BBS2: variants seen among roughly 807,000 people sequenced by gnomAD.
The protein encoded by BBS2 is BBSome complex member BBS2.
A neutral mutation model predicts 83.0 loss-of-function variants in BBS2; 62 were observed. That is an observed-to-expected ratio of 0.75 (90% confidence interval 0.61 to 0.92). BBS2 has a LOEUF of 0.92. BBS2 is among the 40% of genes least tolerant of loss of function. The probability of loss-of-function intolerance (pLI) is 0.00; values close to 1 mark genes in which losing one functional copy is unlikely to be tolerated. For synonymous variants in BBS2, 303 were observed against 326.1 expected (o/e 0.93, Z 0.76); for missense variants, 784 against 901.0 (o/e 0.87, Z 1.66).
intron 1 of BBS2, chr16:56,519,364 T>A: frequency 6.1e-6 from 1 of 165,126 alleles, no homozygotes; most frequent in South Asian, 1.5e-4. Flanking sequence ...GAAGAAGCAG[T>A]GTTAGAGAGT....
At chr16:56,481,876 C>T (rs771489425), downstream of BBS2, among the ~76,000 whole-genome samples, 4 of 152,188 alleles carry the variant, frequency 2.6e-5, no homozygotes, top group Non-Finnish European at 5.9e-5. Context: ...TTGTTTCCAA[C>T]ACCTCCTTCA....
Position 56,485,552 on chromosome 16 carries a change from T to C in BBS2, c.2059+38A>G, listed in dbSNP as rs201212471. The C allele has an allele frequency of 5.4e-4, 878 of 1,612,188 alleles. 7 individuals are homozygous for C. In the African/African-American group the frequency reaches 0.01, roughly 19 times the overall value. ...TCTTCAATGAGTTCCACCAAAAACA[T>C]TACAGATCAAAGTGCAGTGTTATGA... is the stretch of plus-strand genomic sequence containing the variant. On this transcript the variant is annotated intron_variant, in intron 16 of 16. Coordinates refer to ENST00000245157, the MANE Select transcript of BBS2 (RefSeq NM_031885.5).
At chr16:56,488,107 T>C (rs1448370719) in intron 15 of BBS2, among the ~76,000 whole-genome samples, 1 of 152,030 alleles carries the variant, frequency 6.6e-6, no homozygotes, top group Admixed American at 6.5e-5. Context: ...TCACCATGAG[T>C]GGGGAAAAAA....
chr16:56,499,582 CT>C, intron 12 of BBS2, 195 bp downstream of exon 12: 1 of 617,590 alleles, frequency 1.6e-6, no homozygotes, highest in Non-Finnish European at 2.8e-6. Context: ...TGCTCAGATG[CT>C]TTTTCAAAGT....
intron 16 of BBS2, 144 bp from the exon 17 acceptor site, chr16:56,485,011 T>A (rs1439146756): frequency 7.1e-6 from 5 of 703,964 alleles, no homozygotes; most frequent in Non-Finnish European, 1.2e-5. Context: ...CTAAAAAAAA[T>A]AACTTGGTGA....
intron 17 of BBS2, among the ~76,000 whole-genome samples, chr16:56,472,659 T>C (rs1393142130): frequency 1.3e-5 from 2 of 152,124 alleles, no homozygotes; most frequent in African/African-American, 4.8e-5. Flanking sequence ...AAAATAATAA[T>C]CTACAAGTGG....
chr16:56,516,330 T>A (rs1430862853), intron 1 of BBS2, among the ~76,000 whole-genome samples: 1 of 152,200 alleles, frequency 6.6e-6, no homozygotes, highest in African/African-American at 2.4e-5. Context: ...CCCCTAAGCA[T>A]TACCATGAGA....
chr16:56,496,936 T>G (rs1220878724), intron 15 of BBS2, 31 bp downstream of exon 15: 1 of 1,485,678 alleles, frequency 6.7e-7, no homozygotes, highest in East Asian at 2.3e-5. Context: ...TTTTTAACCC[T>G]GCACCTGTAC....
At chr16:56,470,727 C>T (rs766962558) in intron 17 of BBS2, 1 of 1,613,764 alleles carries the variant, frequency 6.2e-7, no homozygotes, top group African/African-American at 1.3e-5. Flanking sequence ...TGGCCATCAG[C>T]AACAACAGCC....
rs1964531402 is a variant in BBS2 at position 56,509,956 on chromosome 16, C to A, written c.612+1G>T. The A allele has an allele frequency of 6.2e-7, 1 of 1,613,852 alleles. No individual in the cohort carries two copies. The highest frequency in any genetic ancestry group is 1.3e-5 in the African/African-American group (1 of 74,920). On this transcript the variant is annotated splice_donor_variant, in intron 5 of 16. Coordinates refer to ENST00000245157, the MANE Select transcript of BBS2 (RefSeq NM_031885.5). LOFTEE classifies it high-confidence loss of function. ...CCATAGTTCGAGGTGGAGCTTCTTA[C>A]CTCTGTTTCTGTCATTTCTGCCACA... is the stretch of plus-strand genomic sequence containing the variant.
At chr16:56,476,622 T>C (rs1963489028) in intron 17 of BBS2, 2 of 153,904 alleles carry the variant, frequency 1.3e-5, no homozygotes, top group Admixed American at 6.5e-5. Context: ...AAGTTTTCCA[T>C]CTTCCCAAAT....
chr16:56,475,080 A>C, intron 17 of BBS2: 3 of 928,088 alleles, frequency 3.2e-6, no homozygotes, highest in Non-Finnish European at 3.2e-6. Flanking sequence ...TGGGATCTCA[A>C]AGTCAAAGGG....
At chr16:56,478,103 G>C (rs1210438224) in intron 17 of BBS2, 1 of 152,088 alleles carries the variant, frequency 6.6e-6, no homozygotes, top group African/African-American at 2.4e-5. Flanking sequence ...TTCTAACATT[G>C]TCTTCCCCTA....
At chr16:56,485,485 G>A (rs1183768074) in intron 16 of BBS2, 105 bp downstream of exon 16, 1 of 1,427,682 alleles carries the variant, frequency 7.0e-7, no homozygotes. Context: ...TGAAAGGTAT[G>A]CTACTTTCAG....
At chr16:56,479,555 A>G (rs1326081177), downstream of BBS2, among the ~76,000 whole-genome samples, 1 of 152,240 alleles carries the variant, frequency 6.6e-6, no homozygotes, top group East Asian at 1.9e-4. Context: ...GTAATATCTA[A>G]GGATCACCTG....
At chr16:56,504,073 T>C (rs1188885157) in intron 7 of BBS2, among the ~76,000 whole-genome samples, 2 of 152,234 alleles carry the variant, frequency 1.3e-5, no homozygotes, top group African/African-American at 4.8e-5. Flanking sequence ...GGCAAAACTT[T>C]GCAACCAAAA....
At chr16:56,511,702 T>G (rs1430010390) in intron 2 of BBS2, among the ~76,000 whole-genome samples, 2 of 152,160 alleles carry the variant, frequency 1.3e-5, no homozygotes, top group African/African-American at 4.8e-5. Context: ...TTTCCCCCTC[T>G]AATATGTACA....
intron 9 of BBS2, 100 bp downstream of exon 9, chr16:56,502,217 C>A: frequency 6.6e-7 from 1 of 1,525,496 alleles, no homozygotes; most frequent in South Asian, 1.1e-5. Context: ...AAGGCCACAC[C>A]CTGGCAATGA....
At chr16:56,482,848 C>G (rs531708019), downstream of BBS2, among the ~76,000 whole-genome samples, 1 of 152,288 alleles carries the variant, frequency 6.6e-6, no homozygotes, top group East Asian at 1.9e-4. Flanking sequence ...CATCTCCCGG[C>G]CTCCCCTGCA....
Sources: gnomAD v4.1 joint callset for allele counts (sites outside exome capture counted in the v4.1 genomes callset) on GRCh38, gnomAD v4.1.1 for gene constraint, MANE v1.5 for transcripts, NCBI Gene and HGNC (gene_info 2026-07-23, HGNC 2026-07-21) for gene names.